APC: variants seen among roughly 807,000 people sequenced by gnomAD.
The protein encoded by APC is adenomatous polyposis coli protein.
A neutral mutation model predicts 247.0 loss-of-function variants in APC; 72 were observed. The observed-to-expected ratio is 0.29, with a 90% CI of 0.24 to 0.35. The LOEUF is 0.35. Among genes scored for constraint, APC ranks in the 10% least tolerant of loss-of-function variants. The pLI, the probability that APC is intolerant of heterozygous loss-of-function variation, is 1.00. For missense variants in APC, 3,400 were observed against 3,360.7 expected (o/e 1.01, Z -0.29); for synonymous variants, 1,254 against 1,162.5 (o/e 1.08, Z -1.60).
At chr5:112,790,702 G>A (rs896187481) in intron 6 of APC, among the ~76,000 whole-genome samples, 1 of 152,126 alleles carries the variant, frequency 6.6e-6, no homozygotes, top group South Asian at 2.1e-4. Context: ...TTTTACTATG[G>A]TAGTAAGAAA....
intron 8 of APC, among the ~76,000 whole-genome samples, chr5:112,806,219 G>A (rs889238103): frequency 2.6e-5 from 4 of 152,158 alleles, no homozygotes; most frequent in Admixed American, 6.5e-5. Flanking sequence ...TGTTCCTCTC[G>A]TTTGAAGACT....
chr5:112,840,632 C>G lies in APC; in HGVS notation c.5038C>G (p.Gln1680Glu), dbSNP rs754122018. ...TGGAGAAGGAGTTAGAGGAGGGGCA[C>G]AGTCAGGTGAATTTGAAAAACGAGA... Reference protein sequence around the residue: ...AAGEGVRGGAQSGEFEKRDTI... With the variant: ...AAGEGVRGGAESGEFEKRDTI... The change falls in exon 16 of 16, where the codon CAG (glutamine) becomes GAG (glutamate). Residue 1680 changes from glutamine to glutamate, a missense_variant. Coordinates refer to ENST00000257430, the MANE Select transcript of APC (RefSeq NM_000038.6). The surrounding 1 kb of genome is among the most constrained non-coding windows in gnomAD (Gnocchi z 4.1). 1 of 1,613,872 alleles carries G rather than the reference C, an allele frequency of 6.2e-7. No individual in the cohort carries two copies. Among genetic ancestry groups the G allele is most frequent in the Admixed American group, 1.7e-5 (1 of 60,000 alleles).
chr5:112,712,677 A>G (rs1750925428), intron 1 of APC, among the ~76,000 whole-genome samples: 1 of 151,632 alleles, frequency 6.6e-6, no homozygotes, highest in South Asian at 2.1e-4. Context: ...GGCATGAGCC[A>G]CTGCACCCAG....
At chr5:112,751,027 C>T (rs149933644) in intron 1 of APC, among the ~76,000 whole-genome samples, 1 of 152,078 alleles carries the variant, frequency 6.6e-6, no homozygotes, top group African/African-American at 2.4e-5. Context: ...ATATTTACTT[C>T]TGGATTTTAA....
intron 1 of APC, among the ~76,000 whole-genome samples, chr5:112,726,121 T>C (rs1227688993): frequency 6.6e-6 from 1 of 152,178 alleles, no homozygotes; most frequent in Non-Finnish European, 1.5e-5. Flanking sequence ...CCTGGCAGCA[T>C]CCAGGGGTGG....
intron 10 of APC, among the ~76,000 whole-genome samples, chr5:112,819,745 A>T (rs564973847): frequency 6.6e-6 from 1 of 152,320 alleles, no homozygotes; most frequent in Middle Eastern, 3.4e-3. Context: ...GCATATCATT[A>T]TATTCAGGGG....
intron 14 of APC, among the ~76,000 whole-genome samples, chr5:112,833,348 A>G (rs1281842644): frequency 6.6e-6 from 1 of 151,580 alleles, no homozygotes; most frequent in Admixed American, 6.6e-5. Context: ...ACACCGGGCT[A>G]ATTTTTTGTA....
intron 6 of APC, among the ~76,000 whole-genome samples, chr5:112,783,531 A>C (rs553503772): frequency 1.3e-5 from 2 of 151,150 alleles, no homozygotes; most frequent in Non-Finnish European, 2.9e-5. Flanking sequence ...GGTGATTCAC[A>C]CCTGTAATTC....
In APC at chr5:112,838,226, T is replaced by A. The variant is rs1476958808; in HGVS notation, c.2632T>A (p.Leu878Met). 1 of 1,613,950 alleles carries A rather than the reference T, an allele frequency of 6.2e-7. No individual in the cohort carries two copies. The highest frequency in any genetic ancestry group is 8.5e-7 in the Non-Finnish European group (1 of 1,179,966). The stretch of plus-strand genomic sequence containing the variant: ...TCCAGGAACTTCTTCAAAGCGAGGT[T>A]TGCAGATCTCCACCACTGCAGCCCA... ...ENPGTSSKRG[L>M]QISTTAAQIA... Residue 878 changes from leucine (L) to methionine (M), a missense_variant, in exon 16 of 16, where the codon TTG becomes ATG. Around this residue, in one of 9 missense-constraint regions of APC, gnomAD observed 715 missense variants for 656.6 expected, o/e 1.09. Transcript: ENST00000257430.
intron 1 of APC, among the ~76,000 whole-genome samples, chr5:112,753,235 T>C (rs1280239349): frequency 6.6e-6 from 1 of 152,168 alleles, no homozygotes; most frequent in African/African-American, 2.4e-5. Context: ...TAATGATCAC[T>C]CCTGTGGATT....
chr5:112,764,387 A>G (rs1425456963), intron 2 of APC, among the ~76,000 whole-genome samples: 1 of 152,198 alleles, frequency 6.6e-6, no homozygotes, highest in Non-Finnish European at 1.5e-5. Flanking sequence ...CAGTAAGAAT[A>G]TGAAAGAGAT....
intron 8 of APC, among the ~76,000 whole-genome samples, chr5:112,802,174 C>G (rs566944199): frequency 5.9e-4 from 89 of 152,058 alleles, no homozygotes; most frequent in African/African-American, 2.0e-3. Flanking sequence ...CTTAGTCTCT[C>G]TAGGTTACTT....
chr5:112,810,663 A>G lies in APC; in HGVS notation c.835-4832A>G, dbSNP rs557372031. On this transcript the variant is annotated intron_variant, in intron 8 of 15. Coordinates refer to ENST00000257430, the MANE Select transcript of APC (RefSeq NM_000038.6). ...ACAGTTGGATTCATCTGTGATTGCA[A>G]TGTTTCCAGACAAATGGGGTGGAAT... Among the ~76,000 whole-genome samples, 4 of 152,358 alleles carry G rather than the reference A, an allele frequency of 2.6e-5. No homozygotes were observed. The South Asian group carries it at 6.2e-4, about 24-fold the overall frequency.
At position 112,755,015 on chromosome 5, in the gene APC, C is replaced by G. The variant is rs781207121; in HGVS notation, c.125C>G (p.Ser42Cys). ...NHLTKLETEA[S>C]NMKEVLKQLQ... ...CTTACAAAACTGGAAACTGAGGCAT[C>G]TAATATGAAGGTATCAAGACTGTGA... The change falls in exon 2 of 16, where the codon TCT becomes TGT. Residue 42 changes from serine (S) to cysteine (C), a missense_variant. Transcript: ENST00000257430. The G allele has an allele frequency of 3.1e-6, 5 of 1,613,570 alleles. No homozygotes were observed. Among genetic ancestry groups the G allele is most frequent in the Non-Finnish European group, 4.2e-6 (5 of 1,179,664 alleles).
intron 5 of APC, among the ~76,000 whole-genome samples, chr5:112,776,831 C>A (rs773288900): frequency 1.3e-5 from 2 of 151,030 alleles, no homozygotes; most frequent in Admixed American, 6.6e-5. Context: ...GGTGACAGAG[C>A]AAGACTCCAT....
In APC at chr5:112,844,659, G is replaced by A. The variant is rs888826120; in HGVS notation, c.*533G>A. On this transcript the variant is annotated 3_prime_UTR_variant, in exon 16 of 16. Transcript: ENST00000257430. The stretch of plus-strand genomic sequence containing the variant: ...GCCTGCTTTGCTTTACTGCATGAAT[G>A]AAACTGATGGTTCAATTTCAGAAGT... The A allele has an allele frequency of 4.3e-6, 1 of 233,298 alleles. No individual in the cohort carries two copies. The highest frequency in any genetic ancestry group is 8.5e-6 in the Non-Finnish European group (1 of 118,042). The allele number at this position is 233,298 out of a possible 1,614,324, so 14.5% of individuals were successfully genotyped here. A position where few individuals can be genotyped will look rare whatever the true frequency, so the allele number is the denominator to read the frequency against.
intron 1 of APC, among the ~76,000 whole-genome samples, chr5:112,709,108 T>A: frequency 6.6e-6 from 1 of 152,232 alleles, no homozygotes; most frequent in East Asian, 1.9e-4. Flanking sequence ...GGTGGACCTT[T>A]TTTATTAACA....
chr5:112,773,216 G>T (rs544514417), intron 4 of APC, among the ~76,000 whole-genome samples: 25 of 152,178 alleles, frequency 1.6e-4, no homozygotes, highest in African/African-American at 5.8e-4. Flanking sequence ...ATACATTTTA[G>T]CAAGAACAGA....
At chr5:112,799,101 T>C (rs1760509405) in intron 7 of APC, among the ~76,000 whole-genome samples, 1 of 136,106 alleles carries the variant, frequency 7.3e-6, no homozygotes, top group Non-Finnish European at 1.5e-5. Context: ...CCCAGCTACT[T>C]GGGAGGCTGA....
Sources: allele counts gnomAD v4.1 joint callset (sites outside exome capture counted in the v4.1 genomes callset), GRCh38; gene constraint gnomAD v4.1.1; regional missense constraint gnomAD v4.1.1; non-coding constraint Gnocchi (gnomAD v3.1); transcripts MANE v1.5; gene names NCBI Gene and HGNC (gene_info 2026-07-23, HGNC 2026-07-21).